The following CCDC178 variants were observed in gnomAD, a reference collection of about 807,000 sequenced individuals.
The protein encoded by CCDC178 is coiled-coil domain-containing protein 178.
A neutral mutation model predicts 117.4 loss-of-function variants in CCDC178; 126 were observed. The ratio of observed to expected loss-of-function variants is 1.07; its 90% CI spans 0.93 to 1.24. The LOEUF is 1.24. Among genes scored for constraint, CCDC178 ranks in the 50% most tolerant of loss-of-function variants. The pLI is 0.00. For synonymous variants in CCDC178, 283 were observed against 313.4 expected, an observed-to-expected ratio of 0.90 and a Z score of 1.02; for missense variants, 1,030 against 986.9, an observed-to-expected ratio of 1.04 and a Z score of -0.59.
chr18:32,969,250 A>C (rs1373982013), intron 22 of CCDC178, among the ~76,000 whole-genome samples: 1 of 152,018 alleles, frequency 6.6e-6, no homozygotes, highest in Non-Finnish European at 1.5e-5. Context: ...ACACACACAG[A>C]TACTTGCACA....
chr18:33,332,294 G>A (rs2062680071), intron 10 of CCDC178, among the ~76,000 whole-genome samples: 1 of 151,864 alleles, frequency 6.6e-6, no homozygotes, highest in African/African-American at 2.4e-5. Context: ...AACTGTTGAG[G>A]GGAACACAGG....
At chr18:33,434,589 C>T (rs1230995093) in intron 2 of CCDC178, among the ~76,000 whole-genome samples, 1 of 152,052 alleles carries the variant, frequency 6.6e-6, no homozygotes, top group Non-Finnish European at 1.5e-5. Flanking sequence ...TGACATGGGG[C>T]TGTCTGCAAC....
intron 2 of CCDC178, among the ~76,000 whole-genome samples, chr18:33,422,455 A>G (rs1025207401): frequency 3.3e-5 from 5 of 151,886 alleles, no homozygotes; most frequent in African/African-American, 9.7e-5. Context: ...AATCTGTGTT[A>G]TTCACTTCTC....
chr18:33,332,781 T>C, intron 10 of CCDC178, among the ~76,000 whole-genome samples: 1 of 152,078 alleles, frequency 6.6e-6, no homozygotes, highest in African/African-American at 2.4e-5. Flanking sequence ...ATCTGGCTAA[T>C]TTTTGTATGT....
intron 20 of CCDC178, among the ~76,000 whole-genome samples, chr18:33,116,051 G>A (rs2057852530): frequency 6.6e-6 from 1 of 151,930 alleles, no homozygotes; most frequent in Non-Finnish European, 1.5e-5. Flanking sequence ...ACTCTTCAAG[G>A]AATTGCCACA....
intron 20 of CCDC178, among the ~76,000 whole-genome samples, chr18:33,109,779 T>C (rs1284837300): frequency 6.6e-6 from 1 of 150,792 alleles, no homozygotes; most frequent in East Asian, 2.0e-4. Context: ...TCAGATTAAT[T>C]CATACTTTTT....
intron 10 of CCDC178, among the ~76,000 whole-genome samples, chr18:33,330,424 G>T (rs1484079497): frequency 6.6e-6 from 1 of 152,152 alleles, no homozygotes; most frequent in East Asian, 1.9e-4. Flanking sequence ...AAGCCAAGAG[G>T]TCTAAACTCT....
At chr18:33,308,139 ACAGACACT>A (rs2062283415) in intron 11 of CCDC178, among the ~76,000 whole-genome samples, 1 of 152,198 alleles carries the variant, frequency 6.6e-6, no homozygotes. Flanking sequence ...TGAAAAAGCC[ACAGACACT>A]CAATACCAGC....
At chr18:33,098,488 T>A (rs2057577006) in intron 20 of CCDC178, among the ~76,000 whole-genome samples, 1 of 152,040 alleles carries the variant, frequency 6.6e-6, no homozygotes, top group South Asian at 2.1e-4. Context: ...TCTGATGATC[T>A]GTCTGTCATC....
At chr18:33,318,926 A>G (rs1276504515) in intron 11 of CCDC178, among the ~76,000 whole-genome samples, 1 of 152,176 alleles carries the variant, frequency 6.6e-6, no homozygotes, top group African/African-American at 2.4e-5. Flanking sequence ...CAATTCTACA[A>G]GAAAAGAAAA....
At chr18:33,187,432 C>T (rs1365619202) in intron 20 of CCDC178, among the ~76,000 whole-genome samples, 3 of 152,052 alleles carry the variant, frequency 2.0e-5, no homozygotes, top group Non-Finnish European at 4.4e-5. Context: ...ATGACATTTC[C>T]TAATGTCAAT....
intron 20 of CCDC178, among the ~76,000 whole-genome samples, chr18:33,141,550 C>G (rs2058205504): frequency 1.3e-5 from 2 of 152,158 alleles, no homozygotes; most frequent in Admixed American, 6.5e-5. Flanking sequence ...GTTAGCCATA[C>G]TGGACATTTT....
chr18:33,377,072 T>C (rs916043370), intron 5 of CCDC178, among the ~76,000 whole-genome samples: 1 of 152,190 alleles, frequency 6.6e-6, no homozygotes, highest in Non-Finnish European at 1.5e-5. Flanking sequence ...CCACCAACAG[T>C]GTATAACAAT....
rs979685696 is a variant in CCDC178, at chr18:33,059,598, C to T, written c.2388+33163G>A. Among the ~76,000 whole-genome samples the T allele has an allele frequency of 2.6e-5, 4 of 152,212 alleles. No homozygotes were observed. In the South Asian group the frequency reaches 8.3e-4, roughly 32 times the overall value. On this transcript the variant is annotated intron_variant, in intron 21 of 22. Transcript: ENST00000383096. ...ATTCTTTTATCTTACTTCTCACCTCCAAATCACGAAGTCCTTTGTCTTTAC... is the reference window on the plus strand; with the variant it reads ...ATTCTTTTATCTTACTTCTCACCTCTAAATCACGAAGTCCTTTGTCTTTAC...
chr18:33,429,600 T>A lies in CCDC178; in HGVS notation c.-23+10362A>T, dbSNP rs72942673. Among the ~76,000 whole-genome samples, 330 of 152,284 alleles carry A rather than the reference T, an allele frequency of 2.2e-3. 2 individuals carry two copies. Among genetic ancestry groups the A allele is most frequent in the Non-Finnish European group, 3.7e-3 (253 of 68,028 alleles). On this transcript the variant is annotated intron_variant, in intron 2 of 22. Coordinates refer to ENST00000383096, the MANE Select transcript of CCDC178 (RefSeq NM_001105528.4). ...CCTATAAGGGATAGAAAATAATATA[T>A]GATATAAATATTACACATTCGTCTT... is the stretch of plus-strand genomic sequence containing the variant.
intron 20 of CCDC178, among the ~76,000 whole-genome samples, chr18:33,175,025 T>TA (rs2058647411): frequency 7.0e-6 from 1 of 142,526 alleles, no homozygotes; most frequent in Admixed American, 6.9e-5. Flanking sequence ...GCTAATTTTT[T>TA]ATTTTTTTAT....
Position 33,331,026 on chromosome 18 carries a change from C to CTTTT in CCDC178, c.879+2144_879+2147dup, listed in dbSNP as rs67153629. 2.9e-4 allele frequency among the ~76,000 whole-genome samples: 13 copies of CTTTT among 45,060 alleles called. 2 individuals are homozygous for CTTTT. Among genetic ancestry groups the CTTTT allele is most frequent in the African/African-American group, 5.1e-4 (4 of 7,850 alleles). 29.6% of individuals were successfully genotyped at this position (45,060 alleles called of 152,430 possible). ...CCTGATAAGCTTTACACAAACATTG[C>CTTTT]TTTTTTTTTTTTTTTTTTTTTTTTT... is the stretch of plus-strand genomic sequence containing the variant. On this transcript the variant is annotated intron_variant, in intron 10 of 22. Transcript: ENST00000383096.
chr18:33,294,637 C>T (rs1395300059), intron 11 of CCDC178, among the ~76,000 whole-genome samples: 1 of 152,128 alleles, frequency 6.6e-6, no homozygotes. Context: ...TTTACATTTC[C>T]ATGTCTGCAG....
At chr18:33,249,188 T>C (rs536921130) in intron 14 of CCDC178, among the ~76,000 whole-genome samples, 2 of 152,296 alleles carry the variant, frequency 1.3e-5, no homozygotes, top group African/African-American at 4.8e-5. Flanking sequence ...GATGAGTAGA[T>C]TGCAAAAATT....
Sources: gnomAD v4.1 joint callset for allele counts (sites outside exome capture counted in the v4.1 genomes callset) on GRCh38, gnomAD v4.1.1 for gene constraint, MANE v1.5 for transcripts, NCBI Gene and HGNC (gene_info 2026-07-23, HGNC 2026-07-21) for gene names.